CACNA1C: variants seen among roughly 807,000 people sequenced by gnomAD.
CACNA1C encodes calcium voltage-gated channel subunit alpha1 C.
CACNA1C carries 30 observed loss-of-function variants against 229.0 expected under a neutral mutation model. That is an observed-to-expected ratio of 0.13 (90% CI 0.10 to 0.18). CACNA1C has a LOEUF of 0.18. CACNA1C is among the 10% of genes least tolerant of loss of function. The probability of loss-of-function intolerance (pLI) is 1.00; values close to 1 mark genes in which losing one functional copy is unlikely to be tolerated. For synonymous variants in CACNA1C, 1,114 were observed against 1,132.5 expected, an observed-to-expected ratio of 0.98 and a Z score of 0.33; for missense variants, 1,658 against 2,845.0, an observed-to-expected ratio of 0.58 and a Z score of 9.49.
At chr12:2,385,550 G>A (rs11062209) in intron 3 of CACNA1C, among the ~76,000 whole-genome samples, 44,878 of 151,924 alleles carry the variant, frequency 0.3, 7,456 homozygotes, top group Non-Finnish European at 0.38. Flanking sequence ...GCCTTAGGTA[G>A]GCCCCTGGCA....
At chr12:2,589,379 T>A (rs935889941) in intron 18 of CACNA1C, among the ~76,000 whole-genome samples, 2 of 152,230 alleles carry the variant, frequency 1.3e-5, no homozygotes, top group African/African-American at 4.8e-5. Flanking sequence ...ACACAGCATT[T>A]GACTGGAACC....
At chr12:2,433,109 G>C (rs1027732416) in intron 3 of CACNA1C, among the ~76,000 whole-genome samples, 1 of 152,248 alleles carries the variant, frequency 6.6e-6, no homozygotes, top group Non-Finnish European at 1.5e-5. Context: ...TATGGTAAGG[G>C]TGTCCAGGCT....
rs1156300554 is a variant in CACNA1C at position 2,128,647 on chromosome 12, G to A, written c.477+8217G>A. 2.0e-5 allele frequency among the ~76,000 whole-genome samples: 3 copies of A among 152,096 alleles called. No individual in the cohort carries two copies. The East Asian group carries it at 5.8e-4, about 29-fold the overall frequency. ...AGGATGGTCTCGATCTCCTGACCTC[G>A]TGATCTGCCCGCCTCGGCCTCCCAA... is the stretch of plus-strand genomic sequence containing the variant. On this transcript the variant is annotated intron_variant, in intron 3 of 46. Transcript: ENST00000399655.
chr12:2,355,362 C>T (rs1020982253), intron 3 of CACNA1C, among the ~76,000 whole-genome samples: 1 of 150,526 alleles, frequency 6.6e-6, no homozygotes, highest in Admixed American at 6.6e-5. Context: ...GGACCTCCCA[C>T]CCCCCCACAT....
At chr12:1,988,571 T>C (rs2038465542) in intron 1 of CACNA1C, among the ~76,000 whole-genome samples, 1 of 152,252 alleles carries the variant, frequency 6.6e-6, no homozygotes, top group South Asian at 2.1e-4. Context: ...TTCCTATTTC[T>C]TGTTTATTCT....
chr12:2,135,914 C>T (rs1160917601), intron 3 of CACNA1C, among the ~76,000 whole-genome samples: 2 of 149,168 alleles, frequency 1.3e-5, no homozygotes, highest in Admixed American at 6.7e-5. Flanking sequence ...GCCTCGCTGC[C>T]GCCTTGCAGT....
At position 2,610,714 on chromosome 12, in the gene CACNA1C, G is replaced by C. The variant is rs969140430; in HGVS notation, c.3717+15G>C. On this transcript the variant is annotated intron_variant, in intron 28 of 46. Coordinates refer to ENST00000399655, the MANE Select transcript of CACNA1C (RefSeq NM_000719.7). ...TGGCCATGCAGGTCAGTCCCAGGAG[G>C]AGCACAGCCATGGTGCTGCAGAAGG... 6.2e-7 allele frequency: 1 copy of C among 1,614,034 alleles called. No homozygotes were observed. The highest frequency in any genetic ancestry group is 1.7e-5 in the Admixed American group (1 of 60,036).
At chr12:2,584,443 C>T in intron 15 of CACNA1C, 60 bp from the exon 16 acceptor site, 1 of 1,226,502 alleles carries the variant, frequency 8.2e-7, no homozygotes, top group Non-Finnish European at 1.2e-6. Flanking sequence ...TCCCCCGTGC[C>T]CCTGTGCCCA....
intron 29 of CACNA1C, chr12:2,613,861 C>T (rs1447316654): frequency 1.3e-5 from 2 of 152,650 alleles, no homozygotes; most frequent in Non-Finnish European, 2.9e-5. Flanking sequence ...TCTCGGATGA[C>T]TCCTCTCAGT....
chr12:2,218,489 T>C (rs1321307427), intron 3 of CACNA1C, among the ~76,000 whole-genome samples: 3 of 152,134 alleles, frequency 2.0e-5, no homozygotes, highest in African/African-American at 7.2e-5. Flanking sequence ...CCCTTTTTTA[T>C]TCCTGTAGTG....
chr12:2,516,450 C>T (rs975024914), intron 9 of CACNA1C, among the ~76,000 whole-genome samples: 2 of 152,128 alleles, frequency 1.3e-5, no homozygotes, highest in South Asian at 2.1e-4. Flanking sequence ...TATCAGGATC[C>T]GTCTGCCTGC....
At chr12:2,157,594 G>T (rs571703978) in intron 3 of CACNA1C, among the ~76,000 whole-genome samples, 15 of 152,224 alleles carry the variant, frequency 9.9e-5, no homozygotes, top group Non-Finnish European at 2.2e-4. Flanking sequence ...CCCTAAGGGG[G>T]CCCTAAGATC....
chr12:2,162,405 T>C (rs2095920178), intron 3 of CACNA1C, among the ~76,000 whole-genome samples: 1 of 151,774 alleles, frequency 6.6e-6, no homozygotes, highest in African/African-American at 2.4e-5. Flanking sequence ...ACATGGAGGC[T>C]GAGGGTACAA....
At chr12:2,343,663 A>G (rs952733519) in intron 3 of CACNA1C, among the ~76,000 whole-genome samples, 3 of 152,202 alleles carry the variant, frequency 2.0e-5, no homozygotes, top group Non-Finnish European at 4.4e-5. Context: ...CAGAGTCTTC[A>G]GTAAGAGTGG....
chr12:2,522,428 A>G (rs186397348), intron 9 of CACNA1C, among the ~76,000 whole-genome samples: 2 of 152,254 alleles, frequency 1.3e-5, no homozygotes, highest in East Asian at 3.9e-4. Context: ...TTGGCCAAAT[A>G]CCATTTTTCC....
chr12:2,457,570 T>C lies in CACNA1C; in HGVS notation c.621T>C (p.Leu207=), dbSNP rs2099443384. 1 of 1,611,042 alleles carries C rather than the reference T, an allele frequency of 6.2e-7. No individual in the cohort carries two copies. The highest frequency in any genetic ancestry group is 8.5e-7 in the Non-Finnish European group (1 of 1,178,486). The stretch of plus-strand genomic sequence containing the variant: ...TTCTCTCTTTCCTCTCTTCTAGGCT[T>C]TTTAGTGCAATTTTAGAACAAGCAA... ...LLDFIIVVVG[L]FSAILEQATK... is the part of the protein sequence containing the mutation. Residue 207 remains leucine, a synonymous_variant, in exon 5 of 47, where the codon CTT becomes CTC. Transcript: ENST00000399655.
chr12:2,255,042 G>T (rs2076878937), intron 3 of CACNA1C, among the ~76,000 whole-genome samples: 1 of 152,158 alleles, frequency 6.6e-6, no homozygotes, highest in Non-Finnish European at 1.5e-5. Flanking sequence ...CCCCGCCCCT[G>T]TGAAGGGGCT....
chr12:2,128,354 G>T (rs1407108752), intron 3 of CACNA1C, among the ~76,000 whole-genome samples: 2 of 152,096 alleles, frequency 1.3e-5, no homozygotes, highest in Non-Finnish European at 2.9e-5. Flanking sequence ...AACAAAATTT[G>T]GTTCTGTTGC....
chr12:1,992,152 A>G, intron 1 of CACNA1C: 1 of 215,254 alleles, frequency 4.6e-6, no homozygotes, highest in Non-Finnish European at 1.0e-5. Flanking sequence ...TGAGGAGAAA[A>G]CACAATATTT....
Sources: gnomAD v4.1 joint callset for allele counts (sites outside exome capture counted in the v4.1 genomes callset) on GRCh38, gnomAD v4.1.1 for gene constraint, MANE v1.5 for transcripts, NCBI Gene and HGNC (gene_info 2026-07-23, HGNC 2026-07-21) for gene names.